The following PPARGC1A variants were observed in gnomAD, a reference collection of about 807,000 sequenced individuals.
PPARGC1A encodes the protein peroxisome proliferator-activated receptor gamma coactivator 1-alpha.
In PPARGC1A, 25 loss-of-function variants were observed where a neutral mutation model predicts 88.7. That is an observed-to-expected ratio of 0.28 (90% CI 0.21 to 0.39). The LOEUF is 0.39. Among genes scored for constraint, PPARGC1A ranks in the 10% least tolerant of loss-of-function variants. The probability of loss-of-function intolerance (pLI) is 1.00; values close to 1 mark genes in which losing one functional copy is unlikely to be tolerated. For synonymous variants in PPARGC1A, 363 were observed against 355.6 expected, an observed-to-expected ratio of 1.02 and a Z score of -0.24; for missense variants, 880 against 968.7, an observed-to-expected ratio of 0.91 and a Z score of 1.22.
chr4:23,942,627 G>A, the PPARGC1A span, among the ~76,000 whole-genome samples: 1 of 152,128 alleles, frequency 6.6e-6, no homozygotes, highest in Non-Finnish European at 1.5e-5. Context: ...CTTAGTATTA[G>A]TAAATTGGTC....
chr4:24,328,320 G>A, the PPARGC1A span, among the ~76,000 whole-genome samples: 1 of 148,980 alleles, frequency 6.7e-6, no homozygotes, highest in Non-Finnish European at 1.5e-5. Flanking sequence ...AGTAATTTGG[G>A]CTTTTGGAGA....
At chr4:24,057,626 G>A in the PPARGC1A span, among the ~76,000 whole-genome samples, 1 of 152,214 alleles carries the variant, frequency 6.6e-6, no homozygotes, top group South Asian at 2.1e-4. Context: ...AGTGGTGGAG[G>A]AGGTAGTGAT....
At chr4:24,333,985 G>C in the PPARGC1A span, among the ~76,000 whole-genome samples, 1 of 105,332 alleles carries the variant, frequency 9.5e-6, no homozygotes. Context: ...AGAAAAGTCA[G>C]AACATAGAAA....
At chr4:24,071,721 C>T in the PPARGC1A span, among the ~76,000 whole-genome samples, 4,228 of 152,096 alleles carry the variant, frequency 0.028, 190 homozygotes, top group African/African-American at 0.095. Context: ...AGAAGCAGTA[C>T]GGTAGAAAGG....
At chr4:24,423,558 G>T in the PPARGC1A span, among the ~76,000 whole-genome samples, 3 of 151,852 alleles carry the variant, frequency 2.0e-5, no homozygotes, top group East Asian at 1.9e-4. Context: ...GGCTGGGGGG[G>T]TGTCCCATGA....
At chr4:23,817,710 A>G (rs1012372742) in intron 7 of PPARGC1A, among the ~76,000 whole-genome samples, 4 of 152,130 alleles carry the variant, frequency 2.6e-5, no homozygotes, top group Non-Finnish European at 5.9e-5. Flanking sequence ...TAATTTGGCT[A>G]ATTCCCTAAA....
the PPARGC1A span, among the ~76,000 whole-genome samples, chr4:24,327,763 C>T: frequency 3.3e-5 from 5 of 152,144 alleles, no homozygotes; most frequent in African/African-American, 4.8e-5. Context: ...AAATTTTTGC[C>T]GCCCCAACAC....
At chr4:24,098,739 C>T in the PPARGC1A span, among the ~76,000 whole-genome samples, 1 of 152,156 alleles carries the variant, frequency 6.6e-6, no homozygotes, top group Admixed American at 6.5e-5. Flanking sequence ...TACCAACTGA[C>T]TGTGATCAGA....
chr4:24,150,115 A>G, the PPARGC1A span, among the ~76,000 whole-genome samples: 1 of 152,188 alleles, frequency 6.6e-6, no homozygotes, highest in African/African-American at 2.4e-5. Flanking sequence ...AAAGCTAACA[A>G]ATCAGTAGTG....
chr4:23,821,420 TAA>T (rs1392759784), intron 7 of PPARGC1A, among the ~76,000 whole-genome samples: 8 of 151,990 alleles, frequency 5.3e-5, no homozygotes, highest in Non-Finnish European at 8.8e-5. Flanking sequence ...CTTGATTTGG[TAA>T]ATTCCATACC....
At chr4:24,380,511 G>C in the PPARGC1A span, among the ~76,000 whole-genome samples, 11 of 149,934 alleles carry the variant, frequency 7.3e-5, no homozygotes, top group Admixed American at 6.6e-4. Context: ...AGATGATACT[G>C]GGAAAGGAGG....
At chr4:24,471,569 T>C in the PPARGC1A span, among the ~76,000 whole-genome samples, 1 of 152,176 alleles carries the variant, frequency 6.6e-6, no homozygotes, top group Admixed American at 6.5e-5. This position sits in a 1 kb window ranked among gnomAD's most constrained non-coding sequence, Gnocchi z 5.4. Context: ...CCTGAGCACA[T>C]GCCTGTCTCT....
chr4:24,169,580 A>G, the PPARGC1A span, among the ~76,000 whole-genome samples: 1 of 151,866 alleles, frequency 6.6e-6, no homozygotes, highest in Admixed American at 6.6e-5. Flanking sequence ...AAAAAAAAGG[A>G]TAATCTCAGC....
At chr4:24,213,220 G>A in the PPARGC1A span, among the ~76,000 whole-genome samples, 1 of 145,570 alleles carries the variant, frequency 6.9e-6, no homozygotes, top group Non-Finnish European at 1.5e-5. Context: ...AGGCTGGAGT[G>A]CAGTGGCGCG....
the PPARGC1A span, among the ~76,000 whole-genome samples, chr4:24,441,894 T>C: frequency 1.3e-3 from 202 of 152,332 alleles, 1 homozygote; most frequent in African/African-American, 4.7e-3. Flanking sequence ...AAGCTACAAA[T>C]GCAAAATGCA....
chr4:24,173,553 T>C, the PPARGC1A span, among the ~76,000 whole-genome samples: 1 of 151,964 alleles, frequency 6.6e-6, no homozygotes, highest in African/African-American at 2.4e-5. Flanking sequence ...ATCAGACAAA[T>C]TGAAGTCAAG....
chr4:23,825,712 A>G (rs930769547), intron 5 of PPARGC1A, among the ~76,000 whole-genome samples: 1 of 118,722 alleles, frequency 8.4e-6, no homozygotes, highest in Non-Finnish European at 1.9e-5. Flanking sequence ...ACTTGGATAA[A>G]TAGTATTTGC....
At chr4:24,467,028 A>AAGAAAGAAAGAAAGAAAGAAAGAG in the PPARGC1A span, among the ~76,000 whole-genome samples, 1 of 101,192 alleles carries the variant, frequency 9.9e-6, no homozygotes, top group Non-Finnish European at 2.3e-5. Flanking sequence ...GAAAGAAAGA[A>AAGAAAGAAAGAAAGAAAGAAAGAG]AGAGAAAGAG....
chr4:23,933,368 G>C, the PPARGC1A span, among the ~76,000 whole-genome samples: 2 of 152,166 alleles, frequency 1.3e-5, no homozygotes, highest in African/African-American at 4.8e-5. Context: ...CTGATGCCTG[G>C]TAAGTTATAC....
Sources: allele counts gnomAD v4.1 joint callset (sites outside exome capture counted in the v4.1 genomes callset), GRCh38; gene constraint gnomAD v4.1.1; non-coding constraint Gnocchi (gnomAD v3.1); transcripts MANE v1.5; gene names NCBI Gene and HGNC (gene_info 2026-07-23, HGNC 2026-07-21).